GADL1: variants seen among roughly 807,000 people sequenced by gnomAD.
GADL1 encodes the protein acidic amino acid decarboxylase GADL1.
GADL1 carries 71 observed loss-of-function variants against 69.5 expected under a neutral mutation model. The observed-to-expected ratio is 1.02, with a 90% CI of 0.84 to 1.25. GADL1 has a LOEUF of 1.25. Ranked by LOEUF, GADL1 falls within the 50% of genes most tolerant of loss-of-function variation. The pLI is 0.00. For missense variants in GADL1, 737 were observed against 631.8 expected (o/e 1.17, Z -1.79); for synonymous variants, 254 against 214.4 (o/e 1.18, Z -1.62).
intron 14 of GADL1, among the ~76,000 whole-genome samples, chr3:30,776,607 A>G (rs767004985): frequency 6.6e-6 from 1 of 152,190 alleles, no homozygotes; most frequent in South Asian, 2.1e-4. Flanking sequence ...TTGGTCATCT[A>G]TTATGTTACA....
intron 14 of GADL1, among the ~76,000 whole-genome samples, chr3:30,756,584 T>G (rs1315057503): frequency 6.6e-6 from 1 of 152,176 alleles, no homozygotes; most frequent in Admixed American, 6.5e-5. Context: ...AGTAATCGTG[T>G]GCTAAATTCT....
chr3:30,802,045 T>C (rs1302555648), intron 11 of GADL1, among the ~76,000 whole-genome samples: 1 of 152,222 alleles, frequency 6.6e-6, no homozygotes, highest in East Asian at 1.9e-4. Flanking sequence ...ACTTATAAGC[T>C]GCGAAGTTTA....
chr3:30,894,149 G>A (rs969787596), intron 1 of GADL1, among the ~76,000 whole-genome samples: 15 of 152,284 alleles, frequency 9.9e-5, no homozygotes, highest in African/African-American at 3.1e-4. Flanking sequence ...TGAGATGACG[G>A]TGGCCTCTTT....
chr3:30,880,118 A>G (rs1470422898), intron 1 of GADL1, among the ~76,000 whole-genome samples: 1 of 151,972 alleles, frequency 6.6e-6, no homozygotes, highest in Non-Finnish European at 1.5e-5. Context: ...TGAGTTATAC[A>G]TCTATGGATT....
chr3:30,827,933 C>G (rs577868366), intron 11 of GADL1, among the ~76,000 whole-genome samples: 1 of 151,824 alleles, frequency 6.6e-6, no homozygotes, highest in Non-Finnish European at 1.5e-5. Flanking sequence ...GTTTTAAACA[C>G]CTACCTTCCC....
At chr3:30,839,201 C>G (rs1559357501) in intron 8 of GADL1, 88 bp from the exon 9 acceptor site, 1 of 803,818 alleles carries the variant, frequency 1.2e-6, no homozygotes, top group Non-Finnish European at 1.9e-6. Context: ...GGTTATGCAT[C>G]CAGAGAGTTA....
Position 30,838,984 on chromosome 3 carries a change from TA to T in GADL1, c.903+12del. On this transcript the variant is annotated intron_variant, in intron 9 of 14. Transcript: ENST00000282538. The stretch of plus-strand genomic sequence containing the variant: ...CAAAGGTTAAACAGGTATGTACACA[TA>T]AATGAACTTACATCTACATGAAGCC... 6.7e-7 allele frequency: 1 copy of T among 1,494,064 alleles called. No individual in the cohort carries two copies. Among genetic ancestry groups the T allele is most frequent in the Non-Finnish European group, 9.2e-7 (1 of 1,083,086 alleles). 92.6% of individuals were successfully genotyped at this position (1,494,064 alleles called of 1,614,324 possible).
intron 12 of GADL1, among the ~76,000 whole-genome samples, chr3:30,790,774 G>A (rs1696896560): frequency 6.6e-6 from 1 of 152,064 alleles, no homozygotes; most frequent in African/African-American, 2.4e-5. Context: ...CTATCTAAAT[G>A]TCTGTACTGT....
At chr3:30,799,167 CCCA>C (rs1412872460) in intron 12 of GADL1, 1 of 152,214 alleles carries the variant, frequency 6.6e-6, no homozygotes, top group East Asian at 1.9e-4. Context: ...GGGCTCTGAC[CCCA>C]CATTTCCCTT....
intron 14 of GADL1, among the ~76,000 whole-genome samples, chr3:30,738,639 T>C (rs1559483437): frequency 6.6e-6 from 1 of 152,154 alleles, no homozygotes; most frequent in Non-Finnish European, 1.5e-5. Context: ...AGAGAATGAG[T>C]ACAATCCCAG....
chr3:30,863,027 T>TCACACACACACACACA (rs397875196), intron 1 of GADL1, among the ~76,000 whole-genome samples: 10 of 110,218 alleles, frequency 9.1e-5, no homozygotes, highest in African/African-American at 2.4e-4. Context: ...CATGTCTGTT[T>TCACACACACACACACA]CACACACACA....
chr3:30,731,646 A>T (rs541601064), intron 14 of GADL1, among the ~76,000 whole-genome samples: 8 of 152,320 alleles, frequency 5.3e-5, no homozygotes, highest in African/African-American at 1.4e-4. Flanking sequence ...TAAAAACCAA[A>T]CTTCTAGGAC....
intron 12 of GADL1, among the ~76,000 whole-genome samples, chr3:30,794,854 C>G (rs1449424827): frequency 6.6e-6 from 1 of 152,124 alleles, no homozygotes; most frequent in African/African-American, 2.4e-5. Context: ...AAATCTTAGT[C>G]AATATAAAAA....
At chr3:30,748,531 T>A (rs1326916894) in intron 14 of GADL1, among the ~76,000 whole-genome samples, 1 of 152,048 alleles carries the variant, frequency 6.6e-6, no homozygotes, top group African/African-American at 2.4e-5. Flanking sequence ...TTGAGAAGAA[T>A]GATGCCAGGA....
Position 30,889,084 on chromosome 3 carries a change from T to TAAAAAAAAAAAAAAAAAA in GADL1, c.37+5476_37+5493dup, listed in dbSNP as rs60227313. 1.5e-4 allele frequency among the ~76,000 whole-genome samples: 5 copies of TAAAAAAAAAAAAAAAAAA among 32,914 alleles called. 1 individual carries two copies. Among genetic ancestry groups the TAAAAAAAAAAAAAAAAAA allele is most frequent in the Non-Finnish European group, 1.3e-4 (2 of 14,836 alleles). 21.6% of individuals were successfully genotyped at this position (32,914 alleles called of 152,430 possible). On this transcript the variant is annotated intron_variant, in intron 1 of 14. Coordinates refer to ENST00000282538, the MANE Select transcript of GADL1 (RefSeq NM_207359.3). ...GAAATACCGAAGACTCGGTAATCTA[T>TAAAAAAAAAAAAAAAAAA]AAAAAAAAAAAAAAAAAAAAAAAAA...
intron 12 of GADL1, 139 bp from the exon 13 acceptor site, chr3:30,786,545 T>TGG: frequency 1.6e-6 from 1 of 622,344 alleles, no homozygotes; most frequent in Non-Finnish European, 2.9e-6. Flanking sequence ...GGCAGAGCTA[T>TGG]GGATAGATAA....
intron 1 of GADL1, among the ~76,000 whole-genome samples, chr3:30,893,082 C>T (rs1467016620): frequency 6.6e-6 from 1 of 152,172 alleles, no homozygotes; most frequent in African/African-American, 2.4e-5. Context: ...TCTCAAACTC[C>T]TGACCTCAAG....
chr3:30,764,316 C>T (rs1257564585), intron 14 of GADL1, among the ~76,000 whole-genome samples: 1 of 152,154 alleles, frequency 6.6e-6, no homozygotes, highest in East Asian at 1.9e-4. Context: ...CTGATAGATT[C>T]TGGTGTGTAG....
chr3:30,829,897 CTATA>C (rs1432104904), intron 11 of GADL1, among the ~76,000 whole-genome samples: 1 of 151,644 alleles, frequency 6.6e-6, no homozygotes, highest in Non-Finnish European at 1.5e-5. Flanking sequence ...CAAATAGTAA[CTATA>C]TAAGCACTTT....
Sources: gnomAD v4.1 joint callset for allele counts (sites outside exome capture counted in the v4.1 genomes callset) on GRCh38, gnomAD v4.1.1 for gene constraint, MANE v1.5 for transcripts, NCBI Gene and HGNC (gene_info 2026-07-23, HGNC 2026-07-21) for gene names.